Variants in KIRREL3 observed in about 807,000 individuals in gnomAD.
KIRREL3 encodes the protein kin of IRRE-like protein 3.
A neutral mutation model predicts 89.7 loss-of-function variants in KIRREL3; 36 were observed. The ratio of observed to expected loss-of-function variants is 0.40; its 90% confidence interval spans 0.31 to 0.53. The LOEUF (loss-of-function observed/expected upper bound fraction) is 0.53. KIRREL3 is among the 20% of genes least tolerant of loss of function. KIRREL3 has a pLI of 0.49. For missense variants in KIRREL3, 864 were observed against 1,056.6 expected (o/e 0.82, Z 2.53); for synonymous variants, 445 against 441.4 (o/e 1.01, Z -0.10).
At position 126,560,420 on chromosome 11, in the gene KIRREL3, C is replaced by T. The variant is rs184132657; in HGVS notation, c.133+2415G>A. On this transcript the variant is annotated intron_variant, in intron 2 of 16. Transcript: ENST00000525144. The stretch of plus-strand genomic sequence containing the variant: ...ACTATCACGTGCCTCCTTAAATGAT[C>T]TTTGAATAGCATTTTCTTTTTATTG... Among the ~76,000 whole-genome samples the T allele has an allele frequency of 3.3e-5, 5 of 152,320 alleles. No homozygotes were observed. In the East Asian group the frequency reaches 9.6e-4, roughly 29 times the overall value.
chr11:126,618,753 C>T (rs1214806331), intron 1 of KIRREL3, among the ~76,000 whole-genome samples: 1 of 152,170 alleles, frequency 6.6e-6, no homozygotes, highest in Non-Finnish European at 1.5e-5. Context: ...TATAGCAATG[C>T]GAGAACAACC....
rs374192763 is a variant in KIRREL3, at chr11:126,627,621, C to T, written c.56-64709G>A. Reference sequence around the variant, plus strand: ...CCTAATTAACATGTCTTGTCAGGTCCAGCGGTTGGCTTTAGTAAATATGCC... The same window carrying T: ...CCTAATTAACATGTCTTGTCAGGTCTAGCGGTTGGCTTTAGTAAATATGCC... On this transcript the variant is annotated intron_variant, in intron 1 of 16. Transcript: ENST00000525144. The surrounding 1 kb of genome is among the most constrained non-coding windows in gnomAD (Gnocchi z 5.0). Among the ~76,000 whole-genome samples the T allele has an allele frequency of 1.3e-5, 2 of 152,344 alleles. No individual in the cohort carries two copies. Among genetic ancestry groups the T allele is most frequent in the South Asian group, 2.1e-4 (1 of 4,828 alleles).
chr11:126,808,171 G>A lies in KIRREL3; in HGVS notation c.55+192284C>T, dbSNP rs1043531987. 3.3e-5 allele frequency among the ~76,000 whole-genome samples: 5 copies of A among 152,162 alleles called. No homozygotes were observed. The highest frequency in any genetic ancestry group is 1.2e-4 in the African/African-American group (5 of 41,450). On this transcript the variant is annotated intron_variant, in intron 1 of 16. Transcript: ENST00000525144. This position sits in a 1 kb window ranked among gnomAD's most constrained non-coding sequence, Gnocchi z 4.1. The stretch of plus-strand genomic sequence containing the variant: ...AATTGTATGTAGTTTGGAGAATAGG[G>A]CCCTCATCTTGAGGCTGGGAGCATA...
intron 6 of KIRREL3, among the ~76,000 whole-genome samples, chr11:126,460,858 AG>A (rs1459007868): frequency 6.6e-6 from 1 of 152,182 alleles, no homozygotes; most frequent in East Asian, 1.9e-4. Context: ...CTGCTGTCGC[AG>A]GGGGCCAGCT....
At chr11:126,714,671 A>G (rs1007114257) in intron 1 of KIRREL3, among the ~76,000 whole-genome samples, 3 of 152,162 alleles carry the variant, frequency 2.0e-5, no homozygotes, top group Admixed American at 6.5e-5. Flanking sequence ...GCTGACTGCC[A>G]GTTGCACACA....
intron 1 of KIRREL3, among the ~76,000 whole-genome samples, chr11:126,702,807 G>T (rs1947361991): frequency 6.6e-6 from 1 of 152,310 alleles, no homozygotes; most frequent in Admixed American, 6.5e-5. Flanking sequence ...GTGTGTGTCT[G>T]ATCTGAGGCC....
Position 126,990,791 on chromosome 11 carries a change from C to T in KIRREL3, c.55+9664G>A, listed in dbSNP as rs1950013960. Among the ~76,000 whole-genome samples the T allele has an allele frequency of 6.6e-6, 1 of 152,220 alleles. No individual in the cohort carries two copies. Among genetic ancestry groups the T allele is most frequent in the South Asian group, 2.1e-4 (1 of 4,830 alleles). On this transcript the variant is annotated intron_variant, in intron 1 of 16. Coordinates refer to ENST00000525144, the MANE Select transcript of KIRREL3 (RefSeq NM_032531.4). This position sits in a 1 kb window ranked among gnomAD's most constrained non-coding sequence, Gnocchi z 6.3. ...CCTCTAGCAAGACGCAGAAAAAGTGCAGGTCCTAGGATTTAGGGAACGCAA... is the reference window on the plus strand; with the variant it reads ...CCTCTAGCAAGACGCAGAAAAAGTGTAGGTCCTAGGATTTAGGGAACGCAA...
chr11:126,591,153 G>C (rs571737309), intron 1 of KIRREL3, among the ~76,000 whole-genome samples: 138 of 152,284 alleles, frequency 9.1e-4, no homozygotes, highest in African/African-American at 3.2e-3. Flanking sequence ...TTGAGCCCGG[G>C]TGGAGGAGGT....
At position 126,639,630 on chromosome 11, in the gene KIRREL3, C is replaced by G. The variant is rs916937556; in HGVS notation, c.56-76718G>C. Among the ~76,000 whole-genome samples the G allele has an allele frequency of 6.6e-6, 1 of 152,216 alleles. No individual in the cohort carries two copies. Among genetic ancestry groups the G allele is most frequent in the Non-Finnish European group, 1.5e-5 (1 of 68,048 alleles). On this transcript the variant is annotated intron_variant, in intron 1 of 16. Transcript: ENST00000525144. The surrounding 1 kb of genome is among the most constrained non-coding windows in gnomAD (Gnocchi z 4.3). ...TCGGCTAATCCTGACTCTATTCTTT[C>G]GTCTGCTCTGCTAGCTGGCCCTACT...
intron 1 of KIRREL3, among the ~76,000 whole-genome samples, chr11:126,592,739 G>A (rs1245862090): frequency 1.3e-5 from 2 of 152,198 alleles, no homozygotes; most frequent in South Asian, 2.1e-4. Flanking sequence ...TGGGGAAGAT[G>A]TGAGTTTGGC....
chr11:126,957,484 C>T (rs145348616), intron 1 of KIRREL3, among the ~76,000 whole-genome samples: 146 of 152,258 alleles, frequency 9.6e-4, no homozygotes, highest in Non-Finnish European at 1.6e-3. Context: ...AAGGCTGCCA[C>T]GGGAAGGTGA....
intron 1 of KIRREL3, among the ~76,000 whole-genome samples, chr11:126,911,898 G>A (rs1008642278): frequency 6.6e-6 from 1 of 151,564 alleles, no homozygotes; most frequent in Non-Finnish European, 1.5e-5. Context: ...CAGGAGAATG[G>A]GGTGAACCCG....
rs1434685078 is a variant in KIRREL3, at chr11:126,578,735, A to G, written c.56-15823T>C. ...CAACAGGCTTCTGGACTTCTGACTC[A>G]GCACCAGTCCTGCTCCTTCTGTCTC... On this transcript the variant is annotated intron_variant, in intron 1 of 16. Coordinates refer to ENST00000525144, the MANE Select transcript of KIRREL3 (RefSeq NM_032531.4). The surrounding 1 kb of genome is among the most constrained non-coding windows in gnomAD (Gnocchi z 4.9). 6.6e-6 allele frequency among the ~76,000 whole-genome samples: 1 copy of G among 152,186 alleles called. No individual in the cohort carries two copies. The highest frequency in any genetic ancestry group is 1.5e-5 in the Non-Finnish European group (1 of 68,032).
chr11:126,468,938 C>G (rs184389720), intron 5 of KIRREL3, among the ~76,000 whole-genome samples: 1 of 152,168 alleles, frequency 6.6e-6, no homozygotes, highest in Non-Finnish European at 1.5e-5. Flanking sequence ...ACTATGACAC[C>G]GATGTCTGCA....
chr11:126,540,388 G>A (rs1565535583), intron 2 of KIRREL3, among the ~76,000 whole-genome samples: 2 of 152,170 alleles, frequency 1.3e-5, no homozygotes, highest in Non-Finnish European at 2.9e-5. Flanking sequence ...TTCCTCACCC[G>A]GGCTGAGCCA....
intron 1 of KIRREL3, among the ~76,000 whole-genome samples, chr11:126,671,633 C>A (rs1285278447): frequency 2.6e-5 from 4 of 151,382 alleles, no homozygotes; most frequent in Non-Finnish European, 5.9e-5. Context: ...TCTGAACAGA[C>A]ACTTCACCAA....
At chr11:126,716,067 G>A (rs1947946726) in intron 1 of KIRREL3, among the ~76,000 whole-genome samples, 1 of 151,966 alleles carries the variant, frequency 6.6e-6, no homozygotes, top group Admixed American at 6.6e-5. Context: ...GAATGTGGGA[G>A]GTGATGAGAA....
chr11:126,460,769 G>A lies in KIRREL3; in HGVS notation c.742+2388C>T, dbSNP rs368565433. Among the ~76,000 whole-genome samples the A allele has an allele frequency of 3.9e-4, 60 of 152,310 alleles. No individual in the cohort carries two copies. The East Asian group carries it at 6.2e-3, about 16-fold the overall frequency. ...CTGTGGTTAGGAGGGCGAGTTTCCC[G>A]TTGCCTGGAGAGGTTCTCCTGGGGT... On this transcript the variant is annotated intron_variant, in intron 6 of 16. Transcript: ENST00000525144.
At chr11:126,638,018 A>G (rs1944331399) in intron 1 of KIRREL3, among the ~76,000 whole-genome samples, 1 of 152,216 alleles carries the variant, frequency 6.6e-6, no homozygotes. Context: ...TTAGCTTTGC[A>G]GAGTTTGCTT....
Sources: gnomAD v4.1 joint callset for allele counts (sites outside exome capture counted in the v4.1 genomes callset) on GRCh38, gnomAD v4.1.1 for gene constraint, Gnocchi (gnomAD v3.1) non-coding constraint, MANE v1.5 for transcripts, NCBI Gene and HGNC (gene_info 2026-07-23, HGNC 2026-07-21) for gene names.